DMC1: variants seen among roughly 807,000 people sequenced by gnomAD.
The protein encoded by DMC1 is meiotic recombination protein DMC1 homolog.
In DMC1, 27 loss-of-function variants were observed where a neutral mutation model predicts 50.1. The ratio of observed to expected loss-of-function variants is 0.54; its 90% CI spans 0.40 to 0.74. The LOEUF (loss-of-function observed/expected upper bound fraction) is 0.74, where lower values mean the gene tolerates loss of function less well. DMC1 is among the 30% of genes least tolerant of loss of function. DMC1 has a pLI of 0.00. For missense variants in DMC1, 295 were observed against 420.2 expected (o/e 0.70, Z 2.60); for synonymous variants, 148 against 136.1 (o/e 1.09, Z -0.61).
At position 38,568,228 on chromosome 22, in the gene DMC1, T is replaced by A. The variant is rs991377765; in HGVS notation, c.29A>T (p.Glu10Val). The change falls in exon 2 of 14, where the codon GAA becomes GTA. Residue 10 changes from glutamate to valine, a missense_variant. Coordinates refer to ENST00000216024, the MANE Select transcript of DMC1 (RefSeq NM_007068.4). Reference protein sequence around the residue: MKEDQVVAEEPGFQDEEESL... With the variant: MKEDQVVAEVPGFQDEEESL... ...TACCTCTTCATCTTGGAATCCTGGT[T>A]CTTCCGCCACAACTTGATCCTCCTT... The A allele has an allele frequency of 8.1e-5, 131 of 1,614,036 alleles. No homozygotes were observed. Among genetic ancestry groups the A allele is most frequent in the Non-Finnish European group, 1.1e-4 (129 of 1,180,006 alleles).
intron 12 of DMC1, among the ~76,000 whole-genome samples, chr22:38,535,553 T>G (rs944799395): frequency 1.3e-5 from 2 of 152,068 alleles, no homozygotes; most frequent in African/African-American, 4.8e-5. Context: ...TTGCACTAGT[T>G]TTTTAACTTC....
intron 5 of DMC1, 146 bp from the exon 6 acceptor site, chr22:38,555,555 A>C: frequency 1.6e-6 from 1 of 612,000 alleles, no homozygotes. Context: ...GAACATGAAC[A>C]GCAATTCTTG....
intron 3 of DMC1, 107 bp downstream of exon 3, chr22:38,567,476 A>C: frequency 1.1e-6 from 1 of 917,334 alleles, no homozygotes; most frequent in Non-Finnish European, 1.8e-6. Flanking sequence ...TACAATGCAC[A>C]GGACGTCCCC....
intron 12 of DMC1, among the ~76,000 whole-genome samples, chr22:38,524,515 T>C (rs1479623230): frequency 1.3e-5 from 2 of 152,166 alleles, no homozygotes; most frequent in Non-Finnish European, 2.9e-5. Context: ...CTTCTTTCTG[T>C]CCACCACCTA....
intron 7 of DMC1, among the ~76,000 whole-genome samples, chr22:38,550,946 AAAAG>A (rs1258351194): frequency 0.042 from 4,611 of 110,796 alleles, 146 homozygotes; most frequent in African/African-American, 0.074. Context: ...AAAAAAAAAA[AAAAG>A]AAAGAAAGAA....
At chr22:38,560,392 G>A (rs1235568775) in intron 5 of DMC1, among the ~76,000 whole-genome samples, 1 of 152,072 alleles carries the variant, frequency 6.6e-6, no homozygotes, top group Non-Finnish European at 1.5e-5. Context: ...ATTAGAGATG[G>A]GAGAGGACTT....
intron 6 of DMC1, among the ~76,000 whole-genome samples, chr22:38,554,443 G>GAAAAAAA (rs540883900): frequency 7.7e-5 from 4 of 51,982 alleles, no homozygotes; most frequent in Non-Finnish European, 8.5e-5. Context: ...CAAGTCAACA[G>GAAAAAAA]AAAAAAAAAA....
intron 12 of DMC1, among the ~76,000 whole-genome samples, chr22:38,527,516 CTTTT>C (rs891065117): frequency 2.4e-5 from 3 of 127,274 alleles, no homozygotes; most frequent in Non-Finnish European, 3.3e-5. Flanking sequence ...CCTTTTTCTC[CTTTT>C]TTTTTTTTTT....
intron 8 of DMC1, among the ~76,000 whole-genome samples, chr22:38,539,891 G>A (rs2090261711): frequency 1.3e-5 from 2 of 152,098 alleles, no homozygotes; most frequent in South Asian, 4.1e-4. Flanking sequence ...ACTGCAAAGT[G>A]AATTAATTCA....
chr22:38,529,619 T>C (rs2090133558), intron 12 of DMC1, among the ~76,000 whole-genome samples: 2 of 152,102 alleles, frequency 1.3e-5, no homozygotes, highest in Non-Finnish European at 1.5e-5. Context: ...ATGAAACATA[T>C]ATAGAGTTAT....
At chr22:38,548,635 A>C (rs1246845934) in intron 8 of DMC1, among the ~76,000 whole-genome samples, 2 of 152,154 alleles carry the variant, frequency 1.3e-5, no homozygotes, top group African/African-American at 4.8e-5. Context: ...ACACTTTGGG[A>C]GGCTGAGGTG....
chr22:38,544,426 C>G (rs2090319620), intron 8 of DMC1, among the ~76,000 whole-genome samples: 1 of 152,192 alleles, frequency 6.6e-6, no homozygotes, highest in South Asian at 2.1e-4. Flanking sequence ...CCACTCCTTG[C>G]TTTGCTTAGT....
intron 8 of DMC1, chr22:38,549,317 T>C (rs1043510878): frequency 1.3e-5 from 2 of 152,372 alleles, no homozygotes; most frequent in African/African-American, 4.8e-5. Context: ...GGACCATGAC[T>C]TTCAGTGAGT....
In DMC1 at chr22:38,519,934, T is replaced by C; in HGVS notation, c.*86A>G. ...TTAGTAACATGTGGGAAAAAACCTC[T>C]ATTTCAAGATGTGAAATTGGAGACT... On this transcript the variant is annotated 3_prime_UTR_variant, in exon 14 of 14. Coordinates refer to ENST00000216024, the MANE Select transcript of DMC1 (RefSeq NM_007068.4). 3 of 1,105,556 alleles carry C rather than the reference T, an allele frequency of 2.7e-6. No homozygotes were observed. Among genetic ancestry groups the C allele is most frequent in the Non-Finnish European group, 2.8e-6 (2 of 722,286 alleles). 68.5% of individuals were successfully genotyped at this position (1,105,556 alleles called of 1,614,324 possible). A position where few individuals can be genotyped will look rare whatever the true frequency, so the allele number is the denominator to read the frequency against.
At chr22:38,524,410 C>T (rs1602713018) in intron 12 of DMC1, among the ~76,000 whole-genome samples, 1 of 151,574 alleles carries the variant, frequency 6.6e-6, no homozygotes. Context: ...AGCGAGATTC[C>T]GTCTCAAAAA....
intron 6 of DMC1, 139 bp from the exon 7 acceptor site, chr22:38,552,846 T>G (rs1339641942): frequency 1.5e-6 from 1 of 664,738 alleles, no homozygotes; most frequent in Admixed American, 2.8e-5. Context: ...GTATCTCGGA[T>G]GTTATTTTTT....
At chr22:38,568,393 T>A in intron 1 of DMC1, 104 bp from the exon 2 acceptor site, 1 of 841,616 alleles carries the variant, frequency 1.2e-6, no homozygotes, top group Non-Finnish European at 2.0e-6. Context: ...GAGAAGCATT[T>A]AGCTTGGAAA....
At chr22:38,551,816 C>G (rs2090414044) in intron 7 of DMC1, among the ~76,000 whole-genome samples, 1 of 151,288 alleles carries the variant, frequency 6.6e-6, no homozygotes, top group African/African-American at 2.4e-5. Context: ...AACGATAGAA[C>G]CAGGATTGAA....
At chr22:38,520,404 C>T (rs186315687) in intron 13 of DMC1, among the ~76,000 whole-genome samples, 1 of 151,280 alleles carries the variant, frequency 6.6e-6, no homozygotes, top group Non-Finnish European at 1.5e-5. Flanking sequence ...TTGCTCTTGT[C>T]CCCCAGGCAA....
Sources: allele counts gnomAD v4.1 joint callset (sites outside exome capture counted in the v4.1 genomes callset), GRCh38; gene constraint gnomAD v4.1.1; transcripts MANE v1.5; gene names NCBI Gene and HGNC (gene_info 2026-07-23, HGNC 2026-07-21).